LIPA: variants seen among roughly 807,000 people sequenced by gnomAD.
LIPA encodes the protein lysosomal acid lipase/cholesteryl ester hydrolase.
A neutral mutation model predicts 40.6 loss-of-function variants in LIPA; 26 were observed. The ratio of observed to expected loss-of-function variants is 0.64; its 90% CI spans 0.47 to 0.89. LIPA has a LOEUF of 0.89. Ranked by LOEUF, LIPA falls within the 40% of genes least tolerant of loss-of-function variation. The pLI, the probability that LIPA is intolerant of heterozygous loss-of-function variation, is 0.00. For synonymous variants in LIPA, 188 were observed against 168.4 expected, an observed-to-expected ratio of 1.12 and a Z score of -0.90; for missense variants, 455 against 479.6, an observed-to-expected ratio of 0.95 and a Z score of 0.48.
intron 1 of LIPA, among the ~76,000 whole-genome samples, chr10:89,336,146 T>G: frequency 2.0e-5 from 2 of 100,994 alleles, no homozygotes; most frequent in African/African-American, 4.1e-5. Flanking sequence ...AGAAGGAAAA[T>G]AGGGAGGGAG....
intron 3 of LIPA, 130 bp from the exon 4 acceptor site, chr10:89,228,528 A>T (rs1333269523): frequency 9.6e-6 from 8 of 835,092 alleles, no homozygotes; most frequent in African/African-American, 3.4e-5. Flanking sequence ...AAAGATTGAC[A>T]TAGTGATGTA....
intron 2 of LIPA, among the ~76,000 whole-genome samples, chr10:89,353,805 G>A (rs985810203): frequency 6.6e-6 from 1 of 152,082 alleles, no homozygotes; most frequent in African/African-American, 2.4e-5. Flanking sequence ...GCTGGGTGTG[G>A]CAGCGTGCAC....
chr10:89,309,696 G>A (rs1843505073), intron 1 of LIPA, among the ~76,000 whole-genome samples: 2 of 152,128 alleles, frequency 1.3e-5, no homozygotes, highest in Non-Finnish European at 2.9e-5. Flanking sequence ...CAGCAAGAAG[G>A]GTAGAAAAGG....
intron 2 of LIPA, among the ~76,000 whole-genome samples, chr10:89,411,554 A>G (rs574337019): frequency 6.6e-6 from 1 of 152,362 alleles, no homozygotes; most frequent in South Asian, 2.1e-4. Context: ...GCTAAAAGTT[A>G]ACAGTGTAAC....
At chr10:89,341,349 T>G (rs1255613665) in intron 1 of LIPA, among the ~76,000 whole-genome samples, 1 of 152,194 alleles carries the variant, frequency 6.6e-6, no homozygotes, top group Non-Finnish European at 1.5e-5. Context: ...CCTTTCAAAC[T>G]GCCAGCATCT....
chr10:89,227,187 C>G (rs962677026), intron 4 of LIPA, among the ~76,000 whole-genome samples, 183 bp from the exon 5 acceptor site: 3 of 152,210 alleles, frequency 2.0e-5, no homozygotes, highest in East Asian at 1.9e-4. Flanking sequence ...AGTTGTGTCT[C>G]CCAAAAGTAA....
At chr10:89,360,703 A>C (rs1844016985) in intron 2 of LIPA, among the ~76,000 whole-genome samples, 1 of 152,160 alleles carries the variant, frequency 6.6e-6, no homozygotes, top group Admixed American at 6.5e-5. Flanking sequence ...TCCCCATCAA[A>C]CATGGGGATT....
intron 2 of LIPA, among the ~76,000 whole-genome samples, chr10:89,398,602 G>C (rs1195634948): frequency 6.6e-6 from 1 of 152,132 alleles, no homozygotes; most frequent in Non-Finnish European, 1.5e-5. Flanking sequence ...CCTACTCTAG[G>C]TAGCTTATAT....
At chr10:89,308,763 T>A (rs891340512) in intron 1 of LIPA, 2 of 152,262 alleles carry the variant, frequency 1.3e-5, no homozygotes, top group Non-Finnish European at 2.9e-5. Context: ...TCATGGTTTT[T>A]TAAAGTTAAA....
intron 2 of LIPA, among the ~76,000 whole-genome samples, chr10:89,376,118 G>A (rs1382371445): frequency 1.3e-5 from 2 of 149,852 alleles, no homozygotes; most frequent in Non-Finnish European, 3.0e-5. Context: ...AACCTGGGAG[G>A]CAGAGGTTGC....
chr10:89,372,513 T>A (rs1418131895), intron 2 of LIPA, among the ~76,000 whole-genome samples: 2 of 152,224 alleles, frequency 1.3e-5, no homozygotes, highest in Non-Finnish European at 2.9e-5. Flanking sequence ...TAAGCGCTTA[T>A]CAATCTGTCT....
chr10:89,280,759 CGTT>C (rs1843310514), intron 1 of LIPA, among the ~76,000 whole-genome samples: 1 of 152,184 alleles, frequency 6.6e-6, no homozygotes, highest in Non-Finnish European at 1.5e-5. Context: ...CCTTCTTCCT[CGTT>C]ATTATTCCAA....
At position 89,295,783 on chromosome 10, in the gene LIPA, T is replaced by C. The variant is rs17118977; in HGVS notation, c.-2+46828A>G. Reference sequence around the variant, plus strand: ...AGCAACGAGGTTAGGCAGAACTCTTTCTAATAAGTTTCATTTTCTCAAAAT... The same window carrying C: ...AGCAACGAGGTTAGGCAGAACTCTTCCTAATAAGTTTCATTTTCTCAAAAT... On this transcript the variant is annotated intron_variant, in intron 1 of 5. Coordinates refer to the LIPA transcript ENST00000282673. Among the ~76,000 whole-genome samples the C allele has an allele frequency of 8.3e-4, 126 of 152,340 alleles. 2 individuals carry two copies. The East Asian group carries it at 0.019, about 23-fold the overall frequency.
intron 2 of LIPA, among the ~76,000 whole-genome samples, chr10:89,350,176 A>C (rs185428078): frequency 0.011 from 1,721 of 152,168 alleles, 20 homozygotes; most frequent in Middle Eastern, 0.041. Flanking sequence ...CACTTCTTTC[A>C]CTTGCTCATC....
In LIPA at chr10:89,311,860, A is replaced by G. The variant is rs114328541; in HGVS notation, c.-2+30751T>C. 4.6e-3 allele frequency among the ~76,000 whole-genome samples: 701 copies of G among 152,320 alleles called. 5 individuals are homozygous for G. Among genetic ancestry groups the G allele is most frequent in the African/African-American group, 0.016 (677 of 41,552 alleles). ...TAATTTTTGTCAATCTGATGAGTGC[A>G]TGCATATATTTCCAAAAAAGGCACT... is the stretch of plus-strand genomic sequence containing the variant. On this transcript the variant is annotated intron_variant, in intron 1 of 5. Transcript: ENST00000282673.
At chr10:89,228,967 T>C (rs1189606441) in intron 3 of LIPA, among the ~76,000 whole-genome samples, 2 of 152,230 alleles carry the variant, frequency 1.3e-5, no homozygotes, top group Non-Finnish European at 2.9e-5. Context: ...AAACTAAACA[T>C]ACTCTTACCA....
chr10:89,349,351 T>C (rs750434319), intron 2 of LIPA, among the ~76,000 whole-genome samples: 2 of 152,216 alleles, frequency 1.3e-5, no homozygotes, highest in Non-Finnish European at 2.9e-5. Flanking sequence ...AGAGGGTATA[T>C]AAGCTTCTTG....
At chr10:89,225,011 AT>A in intron 6 of LIPA, 80 bp downstream of exon 6, 1 of 1,505,252 alleles carries the variant, frequency 6.6e-7, no homozygotes, top group East Asian at 2.3e-5. Context: ...GAAGGCACAG[AT>A]TATCCCTCCC....
intron 3 of LIPA, among the ~76,000 whole-genome samples, chr10:89,230,503 C>T (rs1246070653): frequency 6.6e-6 from 1 of 152,128 alleles, no homozygotes; most frequent in African/African-American, 2.4e-5. Flanking sequence ...GACAGTGTTT[C>T]ACCATGTTCC....
Sources: allele counts gnomAD v4.1 joint callset (sites outside exome capture counted in the v4.1 genomes callset), GRCh38; gene constraint gnomAD v4.1.1; transcripts MANE v1.5; gene names NCBI Gene and HGNC (gene_info 2026-07-23, HGNC 2026-07-21).